ANKDD1A: variants seen among roughly 807,000 people sequenced by gnomAD.
ANKDD1A encodes ankyrin repeat and death domain-containing protein 1A.
Under a neutral mutation model 63.5 loss-of-function variants are expected in ANKDD1A, and 59 were observed. The observed-to-expected ratio is 0.93, with a 90% CI of 0.75 to 1.15. The LOEUF (loss-of-function observed/expected upper bound fraction) is 1.15, where lower values mean the gene tolerates loss of function less well. ANKDD1A is among the 50% of genes most tolerant of loss of function. The pLI is 0.00. For missense variants in ANKDD1A, 632 were observed against 656.4 expected, an observed-to-expected ratio of 0.96 and a Z score of 0.41; for synonymous variants, 266 against 263.9, an observed-to-expected ratio of 1.01 and a Z score of -0.08.
chr15:64,940,474 C>A (rs933107299), intron 9 of ANKDD1A, among the ~76,000 whole-genome samples: 2 of 152,016 alleles, frequency 1.3e-5, no homozygotes. Flanking sequence ...GCTCTGTCGC[C>A]CAGGCTGGAG....
rs758763020 is a variant in ANKDD1A at position 64,947,491 on chromosome 15, C to T, written c.1249C>T (p.Arg417Trp). The change falls in exon 13 of 15, where the codon CGG becomes TGG. Residue 417 changes from arginine (R) to tryptophan (W), a missense_variant. Arg to Trp is a moderately radical substitution (Grantham distance 101). Coordinates refer to ENST00000319580, the MANE Select transcript of ANKDD1A (RefSeq NM_182703.6). ...ACAGCAGCTCCGTTCTGTGCTGTGGCGGCTGGCCTCCAGGTATCTGCAGCC... is the reference window on the plus strand; with the variant it reads ...ACAGCAGCTCCGTTCTGTGCTGTGGTGGCTGGCCTCCAGGTATCTGCAGCC... ...ETQQLRSVLW[R>W]LASRYLQPRE... is the part of the protein sequence containing the mutation. 1.1e-5 allele frequency: 18 copies of T among 1,613,678 alleles called. No individual in the cohort carries two copies. The Admixed American group carries it at 1.5e-4, about 13-fold the overall frequency.
chr15:64,953,700 T>TCC, intron 14 of ANKDD1A, among the ~76,000 whole-genome samples: 9 of 38,948 alleles, frequency 2.3e-4, no homozygotes, highest in South Asian at 8.1e-4. Flanking sequence ...CCCTTCTTCT[T>TCC]TCTTCTTCTC....
intron 4 of ANKDD1A, among the ~76,000 whole-genome samples, chr15:64,922,999 A>G (rs1036782731): frequency 5.2e-5 from 8 of 152,386 alleles, no homozygotes; most frequent in African/African-American, 1.9e-4. Flanking sequence ...TTAACGGGTC[A>G]GTAAGGAAAC....
At chr15:64,953,792 TTTC>T (rs1278939344) in intron 14 of ANKDD1A, among the ~76,000 whole-genome samples, 33 of 135,188 alleles carry the variant, frequency 2.4e-4, no homozygotes, top group African/African-American at 4.5e-4. Context: ...TTTCTTCTGC[TTTC>T]TTCTTCCTTT....
At chr15:64,951,897 CTT>C (rs1397538706) in intron 14 of ANKDD1A, among the ~76,000 whole-genome samples, 1 of 125,504 alleles carries the variant, frequency 8.0e-6, no homozygotes, top group Non-Finnish European at 1.7e-5. Context: ...CTTTCTTTTT[CTT>C]TTCTCTTCGT....
Position 64,933,581 on chromosome 15 carries a change from C to T in ANKDD1A, c.769-555C>T, listed in dbSNP as rs181081924. Among the ~76,000 whole-genome samples the T allele has an allele frequency of 3.4e-3, 520 of 152,298 alleles. 3 individuals carry two copies. The highest frequency in any genetic ancestry group is 1.0e-2 in the African/African-American group (415 of 41,564). On this transcript the variant is annotated intron_variant, in intron 8 of 14. Transcript: ENST00000319580. ...CCTCCTGGCCAGGTGCGGTGGCTCA[C>T]GCCTGTAATCCCAGCACTTTGGGAG...
Position 64,949,904 on chromosome 15 carries a change from C to T in ANKDD1A, c.1415C>T (p.Thr472Met), listed in dbSNP as rs761333795. 55 of 1,607,700 alleles carry T rather than the reference C, an allele frequency of 3.4e-5. No individual in the cohort carries two copies. Among genetic ancestry groups the T allele is most frequent in the African/African-American group, 1.3e-4 (10 of 74,922 alleles). The change falls in exon 14 of 15, where the codon ACG becomes ATG. Residue 472 changes from threonine to methionine, a missense_variant. Physicochemically the swap from Thr to Met is moderately conservative, Grantham distance 81 (BLOSUM62 -1). Coordinates refer to ENST00000319580, the MANE Select transcript of ANKDD1A (RefSeq NM_182703.6). ...CTCATTTGGCTGCATGGCGTGGCCA[C>T]GGCTGGTGAGAACCCCAGCAAAGCG... ...MLLIWLHGVA[T>M]AGENPSKALF...
chr15:64,942,522 G>A lies in ANKDD1A; in HGVS notation c.923G>A (p.Arg308Gln), dbSNP rs758673713. The A allele has an allele frequency of 2.1e-5, 34 of 1,613,850 alleles. No individual in the cohort carries two copies. The East Asian group carries it at 4.7e-4, about 22-fold the overall frequency. Residue 308 changes from arginine to glutamine, a missense_variant, in exon 10 of 15, where the codon CGG (arginine) becomes CAG (glutamine). Arg to Gln is a conservative substitution (Grantham distance 43, BLOSUM62 1). Transcript: ENST00000319580. ...AVRHNFPALV[R>Q]LLINSDSDVN... Reference sequence around the variant, plus strand: ...AGGCACAACTTCCCTGCCTTGGTCCGGCTCCTCATCAACTCCGACAGTGAC... The same window carrying A: ...AGGCACAACTTCCCTGCCTTGGTCCAGCTCCTCATCAACTCCGACAGTGAC...
Position 64,947,406 on chromosome 15 carries a change from C to A in ANKDD1A, c.1164C>A (p.Asp388Glu). Residue 388 changes from aspartate to glutamate, a missense_variant and splice_region_variant, in exon 13 of 15, where the codon GAC (aspartate) becomes GAA (glutamate). Transcript: ENST00000319580. ...CACTTTTGGGATCTGCCCCACAGGA[C>A]CACCCCAGTGATCCCTCTGGGAAGA... Reference protein sequence around the residue: ...KADRFYRWEKDHPSDPSGKSL... With the variant: ...KADRFYRWEKEHPSDPSGKSL... 1.2e-6 allele frequency: 2 copies of A among 1,611,378 alleles called. No homozygotes were observed. Among genetic ancestry groups the A allele is most frequent in the Non-Finnish European group, 1.7e-6 (2 of 1,177,814 alleles).
At chr15:64,923,930 C>T (rs1204965289) in intron 4 of ANKDD1A, among the ~76,000 whole-genome samples, 9 of 152,192 alleles carry the variant, frequency 5.9e-5, no homozygotes, top group Non-Finnish European at 8.8e-5. Flanking sequence ...TTCTGAGTCA[C>T]GGACTCTTCT....
chr15:64,951,490 T>TTTC (rs141281098), intron 14 of ANKDD1A: 56,075 of 111,930 alleles, frequency 0.5, 15,466 homozygotes, highest in East Asian at 0.81. Context: ...TTCCTCTTCT[T>TTTC]TTCTTCTTCT....
intron 4 of ANKDD1A, 101 bp downstream of exon 4, chr15:64,922,120 C>A: frequency 2.0e-6 from 2 of 1,003,288 alleles, no homozygotes; most frequent in Non-Finnish European, 3.0e-6. Context: ...GCCCCTCCAG[C>A]CCCCAACCTG....
At chr15:64,952,206 CCT>C (rs750103919) in intron 14 of ANKDD1A, among the ~76,000 whole-genome samples, 16 of 147,210 alleles carry the variant, frequency 1.1e-4, no homozygotes, top group South Asian at 8.5e-4. Context: ...CTTCTTCTTT[CCT>C]CTTTCTTCTT....
At chr15:64,955,928 G>T (rs1188827937) in intron 14 of ANKDD1A, among the ~76,000 whole-genome samples, 1 of 152,148 alleles carries the variant, frequency 6.6e-6, no homozygotes. Context: ...GACATACAAG[G>T]TTATTACTCT....
chr15:64,944,634 C>T lies in ANKDD1A; in HGVS notation c.1066-18C>T. Reference sequence around the variant, plus strand: ...TCCTGTAGAAACTCTGGCTTCTCTTCTTGCCTCTTAATTGCAGCAGGGAAA... The same window carrying T: ...TCCTGTAGAAACTCTGGCTTCTCTTTTTGCCTCTTAATTGCAGCAGGGAAA... On this transcript the variant is annotated intron_variant, in intron 11 of 14. Coordinates refer to ENST00000319580, the MANE Select transcript of ANKDD1A (RefSeq NM_182703.6). The T allele has an allele frequency of 6.2e-7, 1 of 1,612,144 alleles. No individual in the cohort carries two copies.
At chr15:64,954,624 CTTCTTCCTT>C (rs1370851199) in intron 14 of ANKDD1A, among the ~76,000 whole-genome samples, 30 of 51,380 alleles carry the variant, frequency 5.8e-4, no homozygotes, top group Non-Finnish European at 1.0e-3. Context: ...TTCCTCTTTT[CTTCTTCCTT>C]TTCTTCTTCC....
intron 9 of ANKDD1A, among the ~76,000 whole-genome samples, chr15:64,934,494 T>C (rs1481507800): frequency 1.3e-5 from 2 of 150,080 alleles, no homozygotes; most frequent in East Asian, 1.9e-4. Flanking sequence ...CTTTTTTTTT[T>C]CTTTTCTTTT....
chr15:64,950,487 G>T, intron 14 of ANKDD1A: 7 of 985,392 alleles, frequency 7.1e-6, no homozygotes, highest in Non-Finnish European at 8.4e-6. Flanking sequence ...CAGGATAGAA[G>T]GTTCTAGTAC....
Position 64,926,961 on chromosome 15 carries a change from C to G in ANKDD1A, c.532C>G (p.Leu178Val), listed in dbSNP as rs1242956114. The change falls in exon 6 of 15, where the codon CTC becomes GTC. Residue 178 changes from leucine to valine, a missense_variant. Physicochemically the swap from Leu to Val is conservative, Grantham distance 32. Transcript: ENST00000319580. ...CGGGCAGCTGGATGCTCTGGACTTC[C>G]TCGTGGGCTCTGGCTGTGACCACAA... ...EHGQLDALDFLVGSGCDHNVK... is the reference protein window; with the variant it reads ...EHGQLDALDFVVGSGCDHNVK... The G allele has an allele frequency of 6.2e-7, 1 of 1,614,074 alleles. No individual in the cohort carries two copies. Among genetic ancestry groups the G allele is most frequent in the African/African-American group, 1.3e-5 (1 of 74,936 alleles).
Sources: gnomAD v4.1 joint callset for allele counts (sites outside exome capture counted in the v4.1 genomes callset) on GRCh38, gnomAD v4.1.1 for gene constraint, MANE v1.5 for transcripts, NCBI Gene and HGNC (gene_info 2026-07-23, HGNC 2026-07-21) for gene names.